CAMTA1: variants seen among roughly 807,000 people sequenced by gnomAD.
The protein encoded by CAMTA1 is calmodulin binding transcription activator 1, also known as calmodulin-binding transcription activator 1.
CAMTA1 carries 27 observed loss-of-function variants against 170.9 expected under a neutral mutation model. The observed-to-expected ratio is 0.16, with a 90% CI of 0.12 to 0.22. CAMTA1 has a LOEUF of 0.22. Among genes scored for constraint, CAMTA1 ranks in the 10% least tolerant of loss-of-function variants. CAMTA1 has a pLI of 1.00. For synonymous variants in CAMTA1, 833 were observed against 891.5 expected (o/e 0.93, Z 1.17); for missense variants, 1,619 against 2,217.2 (o/e 0.73, Z 5.42).
At chr1:6,899,729 G>A (rs1220982417) in intron 3 of CAMTA1, among the ~76,000 whole-genome samples, 1 of 152,212 alleles carries the variant, frequency 6.6e-6, no homozygotes, top group African/African-American at 2.4e-5. Flanking sequence ...TGATACTGTA[G>A]ATATGACTGA....
At chr1:7,363,868 C>T (rs1370779135) in intron 5 of CAMTA1, among the ~76,000 whole-genome samples, 6 of 152,100 alleles carry the variant, frequency 3.9e-5, no homozygotes, top group Admixed American at 6.5e-5. Context: ...TGGTAGCCCC[C>T]CTCAAAGGCA....
At chr1:6,810,698 C>T (rs895882303) in intron 1 of CAMTA1, among the ~76,000 whole-genome samples, 11 of 151,840 alleles carry the variant, frequency 7.2e-5, no homozygotes, top group Admixed American at 3.9e-4. Context: ...CCAGCTACTC[C>T]GGAGGCTGAG....
intron 3 of CAMTA1, among the ~76,000 whole-genome samples, chr1:6,873,427 G>A (rs1294698164): frequency 7.9e-5 from 12 of 152,110 alleles, no homozygotes; most frequent in Non-Finnish European, 4.4e-5. Flanking sequence ...CATGTGGGGG[G>A]CCATGACTGC....
At position 7,670,896 on chromosome 1, in the gene CAMTA1, C is replaced by G. The variant is rs771331219; in HGVS notation, c.2653-15C>G. 6.2e-7 allele frequency: 1 copy of G among 1,613,268 alleles called. No individual in the cohort carries two copies. The highest frequency in any genetic ancestry group is 8.5e-7 in the Non-Finnish European group (1 of 1,179,700). ...GCTCACACTCCAACTCTGTTCCCCT[C>G]TCTGTTCTCTGCAGGGAGGAGTGAA... On this transcript the variant is annotated splice_polypyrimidine_tract_variant and intron_variant, in intron 9 of 22. Coordinates refer to ENST00000303635, the MANE Select transcript of CAMTA1 (RefSeq NM_015215.4).
chr1:7,567,321 A>T (rs1224152107), intron 6 of CAMTA1, among the ~76,000 whole-genome samples: 1 of 152,190 alleles, frequency 6.6e-6, no homozygotes, highest in Non-Finnish European at 1.5e-5. Flanking sequence ...GCTCACAGGG[A>T]CCCTGAAGGA....
chr1:7,013,212 T>C (rs796268850), intron 3 of CAMTA1, among the ~76,000 whole-genome samples: 19 of 123,240 alleles, frequency 1.5e-4, no homozygotes, highest in South Asian at 5.6e-4. Context: ...CCTTCTTCTT[T>C]TTTTTTTTTT....
chr1:7,593,594 A>G (rs1258168290), intron 6 of CAMTA1, among the ~76,000 whole-genome samples: 3 of 149,962 alleles, frequency 2.0e-5, no homozygotes, highest in Non-Finnish European at 4.4e-5. Flanking sequence ...GGTTCAAGCG[A>G]TTCTCCTGCC....
intron 3 of CAMTA1, among the ~76,000 whole-genome samples, chr1:6,907,597 T>C (rs1413375517): frequency 3.3e-5 from 5 of 152,172 alleles, no homozygotes; most frequent in African/African-American, 1.2e-4. Flanking sequence ...TCCTGCTGAA[T>C]GGTGAGCCGG....
chr1:7,547,206 T>C lies in CAMTA1; in HGVS notation c.510+79305T>C, dbSNP rs1045278656. On this transcript the variant is annotated intron_variant, in intron 6 of 22. Coordinates refer to ENST00000303635, the MANE Select transcript of CAMTA1 (RefSeq NM_015215.4). The surrounding 1 kb of genome is among the most constrained non-coding windows in gnomAD (Gnocchi z 5.7). ...GATGTTCCAGGCATATCTTGTACTT[T>C]CCTGAAATCAACCATTTCTCCAAAG... 3.3e-5 allele frequency among the ~76,000 whole-genome samples: 5 copies of C among 152,314 alleles called. No homozygotes were observed. The highest frequency in any genetic ancestry group is 1.9e-4 in the East Asian group (1 of 5,186).
intron 1 of CAMTA1, among the ~76,000 whole-genome samples, chr1:6,808,286 G>T (rs1474682396): frequency 6.6e-6 from 1 of 152,006 alleles, no homozygotes; most frequent in Admixed American, 6.6e-5. Context: ...CCTGAAACAG[G>T]TGCTAATAAG....
intron 11 of CAMTA1, among the ~76,000 whole-genome samples, chr1:7,686,609 G>A (rs2096260653): frequency 6.6e-6 from 1 of 152,162 alleles, no homozygotes; most frequent in Non-Finnish European, 1.5e-5. Flanking sequence ...TGAGGTCAGT[G>A]GGGAGCCACG....
chr1:7,318,768 G>A (rs1052536811), intron 5 of CAMTA1, among the ~76,000 whole-genome samples: 13 of 152,198 alleles, frequency 8.5e-5, no homozygotes, highest in African/African-American at 3.1e-4. Context: ...ACCAATGAAA[G>A]CCAGCTCCCT....
chr1:7,603,106 T>C (rs1223820316), intron 6 of CAMTA1, among the ~76,000 whole-genome samples: 1 of 152,230 alleles, frequency 6.6e-6, no homozygotes, highest in East Asian at 1.9e-4. Flanking sequence ...CTTCCAACTA[T>C]GTGGTCAATT....
At chr1:7,669,106 C>T (rs945539322) in intron 9 of CAMTA1, among the ~76,000 whole-genome samples, 5 of 152,220 alleles carry the variant, frequency 3.3e-5, no homozygotes, top group Non-Finnish European at 7.3e-5. Flanking sequence ...CCCAGAGAGG[C>T]TGGGCCACTT....
chr1:6,890,684 C>T (rs1674320822), intron 3 of CAMTA1, among the ~76,000 whole-genome samples: 1 of 151,980 alleles, frequency 6.6e-6, no homozygotes, highest in African/African-American at 2.4e-5. Context: ...GATCCTCCTG[C>T]CTTAGCTTCC....
intron 4 of CAMTA1, among the ~76,000 whole-genome samples, chr1:7,244,660 A>C (rs978145779): frequency 6.6e-6 from 1 of 150,944 alleles, no homozygotes; most frequent in East Asian, 2.0e-4. Context: ...CAAACACCAC[A>C]TGTTCTCACT....
rs1658423031 is a variant in CAMTA1 at position 6,846,982 on chromosome 1, C to T, written c.234+21772C>T. Among the ~76,000 whole-genome samples the T allele has an allele frequency of 2.6e-5, 4 of 151,616 alleles. No homozygotes were observed. The South Asian group carries it at 8.4e-4, about 32-fold the overall frequency. On this transcript the variant is annotated intron_variant, in intron 3 of 22. Coordinates refer to ENST00000303635, the MANE Select transcript of CAMTA1 (RefSeq NM_015215.4). Reference sequence around the variant, plus strand: ...TGCGGCAAAAAGGAGCAGTGATGGTCTGCTTGAGCACATGAAGGATGGATT... The same window carrying T: ...TGCGGCAAAAAGGAGCAGTGATGGTTTGCTTGAGCACATGAAGGATGGATT...
chr1:7,679,177 C>G (rs903099595), intron 11 of CAMTA1, among the ~76,000 whole-genome samples: 2 of 152,194 alleles, frequency 1.3e-5, no homozygotes, highest in Non-Finnish European at 1.5e-5. Flanking sequence ...CAGGGGCTCC[C>G]GTTTAGGAAA....
At chr1:7,713,757 A>G (rs548033916) in intron 11 of CAMTA1, among the ~76,000 whole-genome samples, 72 of 152,298 alleles carry the variant, frequency 4.7e-4, no homozygotes, top group Non-Finnish European at 9.3e-4. Context: ...ACAAGATCTT[A>G]TATGTACGTA....
Sources: allele counts gnomAD v4.1 joint callset (sites outside exome capture counted in the v4.1 genomes callset), GRCh38; gene constraint gnomAD v4.1.1; non-coding constraint Gnocchi (gnomAD v3.1); transcripts MANE v1.5; gene names NCBI Gene and HGNC (gene_info 2026-07-23, HGNC 2026-07-21).